The following CSMD1 variants were observed in gnomAD, a reference collection of about 807,000 sequenced individuals.
CSMD1 encodes the protein CUB and sushi domain-containing protein 1.
A neutral mutation model predicts 417.5 loss-of-function variants in CSMD1; 213 were observed. That is an observed-to-expected ratio of 0.51 (90% CI 0.46 to 0.57). CSMD1 has a LOEUF of 0.57. Ranked by LOEUF, CSMD1 falls within the 20% of genes least tolerant of loss-of-function variation. The probability of loss-of-function intolerance (pLI) is 0.00; values close to 1 mark genes in which losing one functional copy is unlikely to be tolerated. For synonymous variants in CSMD1, 2,862 were observed against 1,736.8 expected, an observed-to-expected ratio of 1.65 and a Z score of -16.11; for missense variants, 6,923 against 4,529.7, an observed-to-expected ratio of 1.53 and a Z score of -15.17.
chr8:3,978,412 T>C (rs773471610), intron 5 of CSMD1, among the ~76,000 whole-genome samples: 8 of 150,874 alleles, frequency 5.3e-5, no homozygotes, highest in Non-Finnish European at 1.0e-4. Flanking sequence ...TCCACTCATA[T>C]TTTTTTTCTA....
At chr8:3,677,397 G>C (rs1215897226) in intron 7 of CSMD1, among the ~76,000 whole-genome samples, 2 of 152,124 alleles carry the variant, frequency 1.3e-5, no homozygotes, top group African/African-American at 4.8e-5. Context: ...AACATACCCA[G>C]TTCAAGGCCA....
intron 1 of CSMD1, 36 bp from the exon 2 acceptor site, chr8:4,637,594 T>C: frequency 7.3e-7 from 1 of 1,372,992 alleles, no homozygotes; most frequent in Non-Finnish European, 1.0e-6. Flanking sequence ...AGCATATTAT[T>C]CTGGCCATCT....
intron 2 of CSMD1, among the ~76,000 whole-genome samples, chr8:4,561,905 C>G (rs1204468201): frequency 6.6e-6 from 1 of 152,130 alleles, no homozygotes; most frequent in African/African-American, 2.4e-5. Flanking sequence ...AGAATCTCAA[C>G]CAAAGCAGTT....
intron 32 of CSMD1, among the ~76,000 whole-genome samples, chr8:3,200,583 T>A (rs1185404518): frequency 6.7e-6 from 1 of 150,274 alleles, no homozygotes; most frequent in African/African-American, 2.4e-5. Context: ...ATAATAATAA[T>A]AAAATAAAAA....
chr8:4,748,537 A>G (rs1233101784), intron 1 of CSMD1, among the ~76,000 whole-genome samples: 1 of 152,164 alleles, frequency 6.6e-6, no homozygotes. Context: ...GTGAAACGGT[A>G]TTTATCAAAG....
At chr8:3,878,772 G>C (rs942814143) in intron 5 of CSMD1, among the ~76,000 whole-genome samples, 4 of 152,150 alleles carry the variant, frequency 2.6e-5, no homozygotes, top group Non-Finnish European at 5.9e-5. Context: ...TATGCTTCCT[G>C]AGTTTGTGCA....
chr8:4,923,675 C>G (rs184629355), intron 1 of CSMD1, among the ~76,000 whole-genome samples: 134 of 152,204 alleles, frequency 8.8e-4, no homozygotes, highest in Middle Eastern at 3.4e-3. Context: ...GTATACCTAT[C>G]CACGGAGAGC....
intron 41 of CSMD1, among the ~76,000 whole-genome samples, chr8:3,136,204 G>A (rs570107917): frequency 6.6e-6 from 1 of 151,252 alleles, no homozygotes; most frequent in African/African-American, 2.4e-5. Context: ...ATGTAACAGT[G>A]ATACACGTGT....
At chr8:4,971,980 G>A (rs1270813693) in intron 1 of CSMD1, among the ~76,000 whole-genome samples, 2 of 151,952 alleles carry the variant, frequency 1.3e-5, no homozygotes, top group Non-Finnish European at 2.9e-5. Flanking sequence ...AGGTGTTAGT[G>A]ATCAACATTT....
intron 2 of CSMD1, among the ~76,000 whole-genome samples, chr8:4,575,822 A>G: frequency 6.6e-6 from 1 of 152,178 alleles, no homozygotes; most frequent in East Asian, 1.9e-4. Context: ...CTGAGGTCGC[A>G]ATGTCCTTAG....
At chr8:3,143,930 G>C (rs1484768222) in intron 40 of CSMD1, among the ~76,000 whole-genome samples, 4 of 152,110 alleles carry the variant, frequency 2.6e-5, no homozygotes, top group Non-Finnish European at 4.4e-5. Flanking sequence ...GAAGAAAAAA[G>C]TCCAAGTGAA....
At chr8:4,025,107 C>A (rs904947550) in intron 4 of CSMD1, among the ~76,000 whole-genome samples, 2 of 152,188 alleles carry the variant, frequency 1.3e-5, no homozygotes, top group Non-Finnish European at 2.9e-5. Context: ...TAAAAGGGGA[C>A]ACCGAAGGGG....
chr8:4,428,950 G>A (rs1797715210), intron 2 of CSMD1, among the ~76,000 whole-genome samples: 1 of 152,062 alleles, frequency 6.6e-6, no homozygotes, highest in Non-Finnish European at 1.5e-5. Context: ...CTGACTTGAA[G>A]TGATCCACCT....
chr8:4,363,727 ATGT>A (rs1801909461), intron 3 of CSMD1, among the ~76,000 whole-genome samples: 1 of 152,140 alleles, frequency 6.6e-6, no homozygotes, highest in African/African-American at 2.4e-5. Flanking sequence ...AGTTCCACCC[ATGT>A]TGTTGCAAAA....
chr8:4,466,768 T>A (rs1004008815), intron 2 of CSMD1, among the ~76,000 whole-genome samples: 2 of 151,674 alleles, frequency 1.3e-5, no homozygotes, highest in African/African-American at 4.9e-5. Context: ...CAAATTATAA[T>A]ATGAGAATAC....
chr8:3,636,079 T>TC (rs1348493172), intron 7 of CSMD1, among the ~76,000 whole-genome samples: 1 of 151,934 alleles, frequency 6.6e-6, no homozygotes, highest in Non-Finnish European at 1.5e-5. Flanking sequence ...TTTTATTATT[T>TC]TTTTGTACTT....
intron 3 of CSMD1, among the ~76,000 whole-genome samples, chr8:4,112,984 G>T (rs1012821548): frequency 2.0e-5 from 3 of 152,182 alleles, no homozygotes; most frequent in South Asian, 2.1e-4. Flanking sequence ...TTCAAAAGTT[G>T]TTGTTATTAT....
At chr8:3,631,587 C>T (rs1462604220) in intron 7 of CSMD1, among the ~76,000 whole-genome samples, 1 of 152,144 alleles carries the variant, frequency 6.6e-6, no homozygotes, top group African/African-American at 2.4e-5. Flanking sequence ...GAAGCCAAAT[C>T]GGTAGAAGAC....
chr8:4,247,119 G>A (rs1847572), intron 3 of CSMD1, among the ~76,000 whole-genome samples: 2,145 of 152,288 alleles, frequency 0.014, 22 homozygotes, highest in Non-Finnish European at 0.022. Flanking sequence ...CCAATAAAAG[G>A]AAAGGAAATC....
Sources: gnomAD v4.1 joint callset for allele counts (sites outside exome capture counted in the v4.1 genomes callset) on GRCh38, gnomAD v4.1.1 for gene constraint, MANE v1.5 for transcripts, NCBI Gene and HGNC (gene_info 2026-07-23, HGNC 2026-07-21) for gene names.